HEPH: variants seen among roughly 807,000 people sequenced by gnomAD.
HEPH encodes the protein hephaestin.
Under a neutral mutation model 80.8 loss-of-function variants are expected in HEPH, and 69 were observed. The observed-to-expected ratio is 0.85, with a 90% confidence interval of 0.70 to 1.04. The LOEUF (loss-of-function observed/expected upper bound fraction) is 1.04. Ranked by LOEUF, HEPH falls within the 50% of genes least tolerant of loss-of-function variation. The pLI is 0.00. For missense variants in HEPH, 1,115 were observed against 891.3 expected, an observed-to-expected ratio of 1.25 and a Z score of -3.20; for synonymous variants, 431 against 322.8, an observed-to-expected ratio of 1.34 and a Z score of -3.60.
intron 15 of HEPH, among the ~76,000 whole-genome samples, chrX:66,231,719 G>T (rs1242809673): frequency 9.2e-6 from 1 of 108,960 alleles, no homozygotes; most frequent in Admixed American, 9.8e-5. Flanking sequence ...CATGTCTTCT[G>T]CAAACAGGGA....
intron 15 of HEPH, among the ~76,000 whole-genome samples, chrX:66,237,498 T>C (rs765191868): frequency 8.9e-6 from 1 of 112,262 alleles, no homozygotes; most frequent in East Asian, 2.8e-4. Flanking sequence ...TGAGAGACTG[T>C]TATGATTTCA....
At chrX:66,252,188 T>G (rs2091027082) in intron 15 of HEPH, among the ~76,000 whole-genome samples, 1 of 112,003 alleles carries the variant, frequency 8.9e-6, no homozygotes, top group Non-Finnish European at 1.9e-5. Context: ...TGTTTTTGGC[T>G]TACATAACTG....
At chrX:66,259,925 A>C (rs1340152740) in intron 18 of HEPH, among the ~76,000 whole-genome samples, 175 bp from the exon 19 acceptor site, 1 of 108,646 alleles carries the variant, frequency 9.2e-6, no homozygotes, top group Admixed American at 9.9e-5. Context: ...ACGGGGTTTC[A>C]TCATGTTAGC....
At chrX:66,237,020 T>C (rs1424273533) in intron 15 of HEPH, among the ~76,000 whole-genome samples, 1 of 111,577 alleles carries the variant, frequency 9.0e-6, no homozygotes, top group African/African-American at 3.3e-5. Flanking sequence ...TTCTTCTTTA[T>C]TAATCTAACT....
upstream of HEPH, among the ~76,000 whole-genome samples, chrX:66,163,124 T>C (rs1236503451): frequency 9.0e-6 from 1 of 111,634 alleles, no homozygotes; most frequent in African/African-American, 3.3e-5. Flanking sequence ...GGAGGGTCCA[T>C]ATCTAGTTTA....
At chrX:66,223,280 G>A (rs1221117391) in intron 15 of HEPH, among the ~76,000 whole-genome samples, 2 of 111,453 alleles carry the variant, frequency 1.8e-5, no homozygotes, top group Admixed American at 9.5e-5. Context: ...TAAATGTGGG[G>A]ACATCAACAG....
chrX:66,208,439 T>C (rs2088913843), intron 15 of HEPH, among the ~76,000 whole-genome samples, 193 bp downstream of exon 15: 1 of 106,848 alleles, frequency 9.4e-6, no homozygotes, highest in Non-Finnish European at 1.9e-5. Flanking sequence ...GCCAACATGG[T>C]GAACCCTCAT....
intron 5 of HEPH, 96 bp downstream of exon 5, chrX:66,188,637 C>T: frequency 1.4e-6 from 1 of 722,913 alleles, no homozygotes; most frequent in Non-Finnish European, 2.0e-6. Context: ...CATACATAGT[C>T]CTTTTTAGTC....
chrX:66,163,839 T>C (rs146019309), upstream of HEPH, among the ~76,000 whole-genome samples: 871 of 112,264 alleles, frequency 7.8e-3, 14 homozygotes, highest in African/African-American at 0.026. Context: ...AATAAGAGAA[T>C]GCATGTAAAA....
At chrX:66,171,259 A>C (rs2086585057) in intron 2 of HEPH, 1 of 215,171 alleles carries the variant, frequency 4.6e-6, no homozygotes, top group Non-Finnish European at 8.7e-6. Context: ...TCTCACAAAA[A>C]CTCTAGAAGG....
At chrX:66,218,286 C>T (rs1472667524) in intron 15 of HEPH, among the ~76,000 whole-genome samples, 1 of 111,491 alleles carries the variant, frequency 9.0e-6, no homozygotes, top group Non-Finnish European at 1.9e-5. Flanking sequence ...TAGACAAAGT[C>T]CAAGATAGAC....
rs1298845702 is a variant in HEPH at position 66,266,653 on chromosome X, TTCTG to T, written c.3462_3465del (p.Phe1156AsnfsTer25). On this transcript the variant is annotated frameshift_variant, in exon 21 of 21. Coordinates refer to ENST00000343002, the MANE Select transcript of HEPH (RefSeq NM_001367233.3). LOFTEE classifies it high-confidence loss of function. ...TCCATCCTGGATGACAGCTTCAAGCTTCTGTCTTTCAAACAGTAACATCTGGAGC... is the reference window on the plus strand; with the variant it reads ...TCCATCCTGGATGACAGCTTCAAGCTTCTTTCAAACAGTAACATCTGGAGC... 1 of 1,200,909 alleles carries T rather than the reference TTCTG, an allele frequency of 8.3e-7. No individual in the cohort carries two copies.
rs752423894 is a variant in HEPH, at chrX:66,173,807, G to T, written c.625+6G>T. 8.6e-7 allele frequency: 1 copy of T among 1,157,401 alleles called. No individual in the cohort carries two copies. Among genetic ancestry groups the T allele is most frequent in the Admixed American group, 2.5e-5 (1 of 40,734 alleles). On this transcript the variant is annotated splice_donor_region_variant and intron_variant, in intron 4 of 20. Coordinates refer to ENST00000343002, the MANE Select transcript of HEPH (RefSeq NM_001367233.3). The stretch of plus-strand genomic sequence containing the variant: ...TCTCATCACCTGTAAAAGAGGTACA[G>T]GTCCCAAGGATAAGCTATGAGGTGT...
At chrX:66,195,597 T>C (rs1275409701) in intron 9 of HEPH, among the ~76,000 whole-genome samples, 2 of 111,598 alleles carry the variant, frequency 1.8e-5, no homozygotes, top group Non-Finnish European at 3.8e-5. Context: ...ATATGGTTTG[T>C]ACAGTTTTGC....
chrX:66,253,983 T>A (rs1478954948), intron 15 of HEPH, among the ~76,000 whole-genome samples: 1 of 110,901 alleles, frequency 9.0e-6, no homozygotes, highest in African/African-American at 3.3e-5. Flanking sequence ...GTACAGGAGT[T>A]TTTTTGGTGG....
At chrX:66,164,594 G>C (rs1352079194) in intron 1 of HEPH, 124 bp downstream of exon 1, 6 of 424,726 alleles carry the variant, frequency 1.4e-5, no homozygotes, top group Non-Finnish European at 1.8e-5. Flanking sequence ...CAAAAAGTTG[G>C]AGGAGGTTTG....
chrX:66,255,368 C>A (rs1391175750), intron 16 of HEPH, among the ~76,000 whole-genome samples: 2 of 94,768 alleles, frequency 2.1e-5, no homozygotes, highest in East Asian at 3.4e-4. Flanking sequence ...ATTTTGGATC[C>A]TATAAAGCAA....
At chrX:66,179,097 T>C (rs2086965623) in intron 4 of HEPH, among the ~76,000 whole-genome samples, 1 of 112,245 alleles carries the variant, frequency 8.9e-6, no homozygotes, top group African/African-American at 3.2e-5. Flanking sequence ...TTTAAGTCTT[T>C]AATTCATCTT....
chrX:66,206,465 T>C (rs1602338385), intron 13 of HEPH, among the ~76,000 whole-genome samples: 1 of 98,874 alleles, frequency 1.0e-5, no homozygotes, highest in Non-Finnish European at 2.0e-5. Context: ...CAGGTTCAAG[T>C]GATTCTTGTG....
Sources: gnomAD v4.1 joint callset for allele counts (sites outside exome capture counted in the v4.1 genomes callset) on GRCh38, gnomAD v4.1.1 for gene constraint, MANE v1.5 for transcripts, NCBI Gene and HGNC (gene_info 2026-07-23, HGNC 2026-07-21) for gene names.